ADH7: variants seen among roughly 807,000 people sequenced by gnomAD.
The protein encoded by ADH7 is alcohol dehydrogenase 7 (class IV), mu or sigma polypeptide, also known as all-trans-retinol dehydrogenase [NAD(+)] ADH7.
In ADH7, 41 loss-of-function variants were observed where a neutral mutation model predicts 34.4. The observed-to-expected ratio is 1.19, with a 90% CI of 0.93 to 1.55. ADH7 has a LOEUF of 1.55. Among genes scored for constraint, ADH7 ranks in the 40% most tolerant of loss-of-function variants. The probability of loss-of-function intolerance (pLI) is 0.00; values close to 1 mark genes in which losing one functional copy is unlikely to be tolerated. For synonymous variants in ADH7, 180 were observed against 160.9 expected, an observed-to-expected ratio of 1.12 and a Z score of -0.90; for missense variants, 540 against 461.2, an observed-to-expected ratio of 1.17 and a Z score of -1.56.
intron 2 of ADH7, 57 bp downstream of exon 2, chr4:99,429,475 T>C: frequency 8.0e-7 from 1 of 1,250,874 alleles, no homozygotes; most frequent in Non-Finnish European, 1.2e-6. Flanking sequence ...AACAGTGCTA[T>C]ATTCAATATA....
At chr4:99,434,031 C>T (rs1406103916) in intron 1 of ADH7, among the ~76,000 whole-genome samples, 1 of 152,082 alleles carries the variant, frequency 6.6e-6, no homozygotes, top group African/African-American at 2.4e-5. Context: ...TATTGCATGA[C>T]CATATATCAA....
intron 1 of ADH7, chr4:99,432,851 A>T (rs1170488784): frequency 6.6e-6 from 1 of 152,212 alleles, no homozygotes. Flanking sequence ...ATTAAAAAAA[A>T]AAATTTTTTT....
At chr4:99,416,669 C>A (rs1721521804) in intron 7 of ADH7, among the ~76,000 whole-genome samples, 1 of 152,080 alleles carries the variant, frequency 6.6e-6, no homozygotes, top group Admixed American at 6.6e-5. Context: ...TCTAGGGTGA[C>A]CTCCTCTGGT....
chr4:99,413,925 C>T lies in ADH7; in HGVS notation c.1101-753G>A, dbSNP rs191134728. On this transcript the variant is annotated intron_variant, in intron 8 of 8. Transcript: ENST00000437033. ...TGGCTTCTCATCTATAAAAGAGGAA[C>T]GCATAATATAATGACTGAGATAAAA... Among the ~76,000 whole-genome samples, 508 of 152,088 alleles carry T rather than the reference C, an allele frequency of 3.3e-3. 2 individuals carry two copies. Among genetic ancestry groups the T allele is most frequent in the Non-Finnish European group, 4.5e-3 (307 of 67,988 alleles).
intron 6 of ADH7, among the ~76,000 whole-genome samples, chr4:99,419,464 G>T (rs1043306884): frequency 1.1e-4 from 16 of 152,004 alleles, no homozygotes; most frequent in Middle Eastern, 3.4e-3. Flanking sequence ...ATTGAATTAA[G>T]TATACCAAAT....
chr4:99,415,511 C>T lies in ADH7; in HGVS notation c.1067G>A (p.Ser356Asn). ...TGAATTGAGCAGCTCAAATCCTTCA[C>T]TGATTTTTTTAAATGGTAAAACATG... is the stretch of plus-strand genomic sequence containing the variant. The part of the protein sequence containing the change: ...ITHVLPFKKI[S>N]EGFELLNSGQ... The change falls in exon 8 of 9, where the codon AGT (serine) becomes AAT (asparagine). Residue 356 changes from serine (S) to asparagine (N), a missense_variant. Transcript: ENST00000437033. 2 of 1,613,266 alleles carry T rather than the reference C, an allele frequency of 1.2e-6. No homozygotes were observed. The highest frequency in any genetic ancestry group is 1.1e-5 in the South Asian group (1 of 90,958).
chr4:99,420,732 A>T lies in ADH7; in HGVS notation c.626T>A (p.Met209Lys), dbSNP rs1227956047. The T allele has an allele frequency of 6.2e-7, 1 of 1,613,950 alleles. No homozygotes were observed. Among genetic ancestry groups the T allele is most frequent in the Non-Finnish European group, 8.5e-7 (1 of 1,179,906 alleles). The stretch of plus-strand genomic sequence containing the variant: ...AGATGCACCAGCTGACTTACAGCCC[A>T]TGATGACTGACAGGCCAACTCCTCC... Reference protein sequence around the residue: ...GLGGVGLSVIMGCKSAGASRI... With the variant: ...GLGGVGLSVIKGCKSAGASRI... Residue 209 changes from methionine to lysine, a missense_variant, in exon 6 of 9, where the codon ATG becomes AAG. Physicochemically the swap from Met to Lys is moderately conservative, Grantham distance 95. Transcript: ENST00000437033.
chr4:99,434,525 C>A (rs1007428770), intron 1 of ADH7, among the ~76,000 whole-genome samples: 4 of 151,854 alleles, frequency 2.6e-5, no homozygotes, highest in African/African-American at 9.7e-5. Flanking sequence ...GTCCTTTAAG[C>A]AATTATGTAC....
rs769275415 is a variant in ADH7 at position 99,428,626 on chromosome 4, A to G, written c.125T>C (p.Leu42Ser). 21 of 1,611,320 alleles carry G rather than the reference A, an allele frequency of 1.3e-5. No individual in the cohort carries two copies. The highest frequency in any genetic ancestry group is 1.8e-5 in the Non-Finnish European group (21 of 1,179,224). Residue 42 changes from leucine to serine, a missense_variant, in exon 3 of 9, where the codon TTG (leucine) becomes TCG (serine). Leu to Ser is a moderately radical substitution (Grantham distance 145). Coordinates refer to ENST00000437033, the MANE Select transcript of ADH7 (RefSeq NM_000673.7). ...ATCTGTGCGACAGATTCCTGTGGCC[A>G]AAATCTGTGTTCAAAGACAAAAACA... ...PKTKEVRIKI[L>S]ATGICRTDDH...
chr4:99,426,338 G>A (rs1205342760), intron 5 of ADH7, among the ~76,000 whole-genome samples: 1 of 151,994 alleles, frequency 6.6e-6, no homozygotes, highest in African/African-American at 2.4e-5. Flanking sequence ...AAAAAAGAGA[G>A]GAGAATCAAA....
chr4:99,420,509 G>A (rs572269923), intron 6 of ADH7, 24 bp downstream of exon 6: 1 of 1,605,836 alleles, frequency 6.2e-7, no homozygotes, highest in South Asian at 1.1e-5. Flanking sequence ...GGTATTTTGT[G>A]GCTTCTCAAA....
intron 7 of ADH7, among the ~76,000 whole-genome samples, chr4:99,418,610 G>C (rs1252842412): frequency 6.6e-6 from 1 of 152,054 alleles, no homozygotes; most frequent in East Asian, 1.9e-4. Context: ...TTTGGGTCCA[G>C]GATTTTTGTT....
chr4:99,426,353 T>C (rs1272585216), intron 5 of ADH7, among the ~76,000 whole-genome samples: 8 of 151,798 alleles, frequency 5.3e-5, no homozygotes, highest in African/African-American at 7.2e-5. Flanking sequence ...ATCAAATAGA[T>C]GCAATAAAAA....
In ADH7 at chr4:99,420,521, T is replaced by A. The variant is rs1406249706; in HGVS notation, c.825+12A>T. ...TTGGGTATTTTGTGGCTTCTCAAAT[T>A]TTGGGTCTTACCATGGTTTCAAGAT... On this transcript the variant is annotated intron_variant, in intron 6 of 8. Coordinates refer to ENST00000437033, the MANE Select transcript of ADH7 (RefSeq NM_000673.7). 6.2e-7 allele frequency: 1 copy of A among 1,608,090 alleles called. No homozygotes were observed. The highest frequency in any genetic ancestry group is 8.5e-7 in the Non-Finnish European group (1 of 1,175,546).
intron 2 of ADH7, 33 bp downstream of exon 2, chr4:99,429,498 CT>C: frequency 1.3e-6 from 2 of 1,518,300 alleles, no homozygotes; most frequent in Non-Finnish European, 1.8e-6. Flanking sequence ...TTTGATAACG[CT>C]TTTGGCTTAA....
chr4:99,413,830 G>T (rs1434141718), intron 8 of ADH7, among the ~76,000 whole-genome samples: 1 of 152,154 alleles, frequency 6.6e-6, no homozygotes, highest in African/African-American at 2.4e-5. Flanking sequence ...ATCAAGGGTT[G>T]CATCATCAAG....
intron 8 of ADH7, 85 bp downstream of exon 8, chr4:99,415,393 A>G (rs781731768): frequency 7.4e-7 from 1 of 1,354,360 alleles, no homozygotes; most frequent in Non-Finnish European, 1.0e-6. Context: ...GAAATAAAAT[A>G]TGAAGAAAAC....
chr4:99,424,860 C>G (rs1422857714), intron 5 of ADH7, among the ~76,000 whole-genome samples: 1 of 151,908 alleles, frequency 6.6e-6, no homozygotes, highest in Non-Finnish European at 1.5e-5. Context: ...AATTGAATAC[C>G]CTTTATTTCC....
At chr4:99,430,344 AG>A (rs1281581148) in intron 1 of ADH7, 4 of 152,252 alleles carry the variant, frequency 2.6e-5, no homozygotes, top group Non-Finnish European at 5.9e-5. Context: ...ACTGGCATCC[AG>A]TTGTTCAACT....
Sources: gnomAD v4.1 joint callset for allele counts (sites outside exome capture counted in the v4.1 genomes callset) on GRCh38, gnomAD v4.1.1 for gene constraint, MANE v1.5 for transcripts, NCBI Gene and HGNC (gene_info 2026-07-23, HGNC 2026-07-21) for gene names.